Variants in PSME3IP1 observed in about 807,000 individuals in gnomAD.
PSME3IP1 encodes the protein PSME3-interacting protein.
In PSME3IP1, 13 loss-of-function variants were observed where a neutral mutation model predicts 34.1. The ratio of observed to expected loss-of-function variants is 0.38; its 90% CI spans 0.25 to 0.61. The LOEUF (loss-of-function observed/expected upper bound fraction) is 0.61, where lower values mean the gene tolerates loss of function less well. Among genes scored for constraint, PSME3IP1 ranks in the 20% least tolerant of loss-of-function variants. The probability of loss-of-function intolerance (pLI) is 0.60; values close to 1 mark genes in which losing one functional copy is unlikely to be tolerated. For synonymous variants in PSME3IP1, 93 were observed against 114.3 expected (o/e 0.81, Z 1.19); for missense variants, 237 against 301.4 (o/e 0.79, Z 1.58).
In PSME3IP1 at chr16:57,182,841, C is replaced by T. The variant is rs140185572; in HGVS notation, c.-16+2980G>A. ...AGGAGAGTTGCTTGAACCCGGGAGG[C>T]GGAGGTTGTAGTGAGCCGAGATCGC... On this transcript the variant is annotated intron_variant, in intron 1 of 6. Transcript: ENST00000309137. Among the ~76,000 whole-genome samples the T allele has an allele frequency of 3.6e-3, 540 of 152,090 alleles. 2 individuals carry two copies. The highest frequency in any genetic ancestry group is 0.012 in the African/African-American group (507 of 41,478).
At chr16:57,162,664 CAAAAAAAAA>C (rs773301974) in intron 6 of PSME3IP1, among the ~76,000 whole-genome samples, 1 of 55,698 alleles carries the variant, frequency 1.8e-5, no homozygotes, top group Admixed American at 2.0e-4. Flanking sequence ...GACCCTGTCT[CAAAAAAAAA>C]AAAAAAAAAA....
intron 6 of PSME3IP1, among the ~76,000 whole-genome samples, chr16:57,162,555 C>A (rs1331243622): frequency 6.6e-6 from 1 of 151,420 alleles, no homozygotes; most frequent in South Asian, 2.1e-4. Context: ...GTCCTAGCTA[C>A]CTGGGTGGTT....
chr16:57,166,934 T>C (rs1440234311), intron 5 of PSME3IP1, among the ~76,000 whole-genome samples, 159 bp downstream of exon 5: 6 of 152,182 alleles, frequency 3.9e-5, no homozygotes, highest in Admixed American at 2.6e-4. Flanking sequence ...TCAAAGCCTA[T>C]AGAAGGCCTC....
At chr16:57,179,672 T>A (rs1331578558) in intron 1 of PSME3IP1, among the ~76,000 whole-genome samples, 2 of 152,238 alleles carry the variant, frequency 1.3e-5, no homozygotes, top group East Asian at 3.8e-4. Context: ...GGCCACCATA[T>A]CCTTCTAATT....
intron 1 of PSME3IP1, chr16:57,174,657 C>T (rs1369335013): frequency 8.1e-6 from 8 of 985,436 alleles, no homozygotes; most frequent in Non-Finnish European, 9.6e-6. Context: ...TGGAGAATCT[C>T]AGCTATTGAA....
chr16:57,182,082 G>A (rs1188531826), intron 1 of PSME3IP1, among the ~76,000 whole-genome samples: 9 of 152,088 alleles, frequency 5.9e-5, no homozygotes, highest in Non-Finnish European at 1.2e-4. Context: ...TCTTTCAAGT[G>A]ACCAGCCCCC....
At chr16:57,163,623 G>A (rs1448048919) in intron 6 of PSME3IP1, among the ~76,000 whole-genome samples, 1 of 152,200 alleles carries the variant, frequency 6.6e-6, no homozygotes, top group African/African-American at 2.4e-5. Flanking sequence ...ATGAGCAGGA[G>A]CCAGGTATTT....
chr16:57,173,782 G>C lies in PSME3IP1; in HGVS notation c.73C>G (p.Arg25Gly). ...FVSEAELDER[R>G]KRRQEEWEKV... ...TCCCATTCTTCTTGCCTCCTTTTGC[G>C]CCGTTCATCTAGTTCTGCCTCAGAC... The change falls in exon 2 of 7, where the codon CGC (arginine) becomes GGC (glycine). Residue 25 changes from arginine to glycine, a missense_variant. Arg to Gly is a moderately radical substitution (Grantham distance 125). Coordinates refer to ENST00000309137, the MANE Select transcript of PSME3IP1 (RefSeq NM_024946.4). 1 of 1,613,820 alleles carries C rather than the reference G, an allele frequency of 6.2e-7. No homozygotes were observed. The highest frequency in any genetic ancestry group is 8.5e-7 in the Non-Finnish European group (1 of 1,179,978).
At chr16:57,185,150 G>C (rs1395315989) in intron 1 of PSME3IP1, among the ~76,000 whole-genome samples, 1 of 152,156 alleles carries the variant, frequency 6.6e-6, no homozygotes, top group Non-Finnish European at 1.5e-5. Flanking sequence ...CCGAGCGTGC[G>C]GGAGTCTGAG....
chr16:57,182,569 A>C (rs1452155520), intron 1 of PSME3IP1, among the ~76,000 whole-genome samples: 8 of 150,598 alleles, frequency 5.3e-5, no homozygotes, highest in Non-Finnish European at 8.9e-5. Context: ...AAAAAAAAAA[A>C]AAAAAAACTT....
chr16:57,175,874 A>G (rs369638103), intron 1 of PSME3IP1, among the ~76,000 whole-genome samples: 1 of 152,264 alleles, frequency 6.6e-6, no homozygotes, highest in Non-Finnish European at 1.5e-5. Context: ...TGGAAGCTGA[A>G]AAAACAAACC....
chr16:57,164,060 T>G lies in PSME3IP1; in HGVS notation c.488A>C (p.Glu163Ala). The change falls in exon 6 of 7, where the codon GAG (glutamate) becomes GCG (alanine). Residue 163 changes from glutamate (E) to alanine (A), a missense_variant. Glu to Ala is a moderately radical substitution (Grantham distance 107). Transcript: ENST00000309137. ...CAGTCTTTTCACACTGTTGCCACTCTCTGAGCTGTAACAAAACACATGGTG... is the reference window on the plus strand; with the variant it reads ...CAGTCTTTTCACACTGTTGCCACTCGCTGAGCTGTAACAAAACACATGGTG... The part of the protein sequence containing the change: ...LAGAVKHKSS[E>A]SGNSVKRLKP... 1 of 1,614,126 alleles carries G rather than the reference T, an allele frequency of 6.2e-7. No homozygotes were observed. The highest frequency in any genetic ancestry group is 8.5e-7 in the Non-Finnish European group (1 of 1,180,004).
intron 6 of PSME3IP1, among the ~76,000 whole-genome samples, chr16:57,160,329 A>G (rs1229237152): frequency 6.6e-6 from 1 of 152,102 alleles, no homozygotes; most frequent in African/African-American, 2.4e-5. Flanking sequence ...ATTCCTATGA[A>G]GCTTTATGTG....
At chr16:57,173,635 AT>A in intron 2 of PSME3IP1, 92 bp downstream of exon 2, 5 of 1,483,020 alleles carry the variant, frequency 3.4e-6, no homozygotes, top group Non-Finnish European at 2.8e-6. Context: ...TCTCAAAAAA[AT>A]AAATAAATAA....
In PSME3IP1 at chr16:57,181,169, A is replaced by C. The variant is rs138949194; in HGVS notation, c.-16+4652T>G. Among the ~76,000 whole-genome samples the C allele has an allele frequency of 2.5e-3, 383 of 152,380 alleles. 1 individual carries two copies. Among genetic ancestry groups the C allele is most frequent in the African/African-American group, 8.7e-3 (360 of 41,586 alleles). ...TATACACACTAGAAGAAAGATAACTAATTTAAATATCGGTTCCCTTAGCTG... is the reference window on the plus strand; with the variant it reads ...TATACACACTAGAAGAAAGATAACTCATTTAAATATCGGTTCCCTTAGCTG... On this transcript the variant is annotated intron_variant, in intron 1 of 6. Transcript: ENST00000309137.
chr16:57,178,792 T>C, intron 1 of PSME3IP1: 2 of 985,498 alleles, frequency 2.0e-6, no homozygotes, highest in Non-Finnish European at 2.4e-6. Context: ...TCACTTATCC[T>C]GCGAAAGCAG....
intron 6 of PSME3IP1, among the ~76,000 whole-genome samples, chr16:57,155,253 A>G (rs2070382243): frequency 6.6e-6 from 1 of 152,210 alleles, no homozygotes; most frequent in Non-Finnish European, 1.5e-5. Flanking sequence ...AATGTCATCT[A>G]GGAGCTGGGA....
At chr16:57,173,673 C>T in intron 2 of PSME3IP1, 55 bp downstream of exon 2, 2 of 1,595,308 alleles carry the variant, frequency 1.3e-6, no homozygotes, top group East Asian at 4.5e-5. Context: ...TTAATACCTA[C>T]TCTGCAGGGT....
chr16:57,169,245 C>T (rs76806807), intron 4 of PSME3IP1, among the ~76,000 whole-genome samples: 1,652 of 152,304 alleles, frequency 0.011, 34 homozygotes, highest in African/African-American at 0.038. Flanking sequence ...TTTTAACATA[C>T]ACAATACTGC....
Sources: allele counts gnomAD v4.1 joint callset (sites outside exome capture counted in the v4.1 genomes callset), GRCh38; gene constraint gnomAD v4.1.1; transcripts MANE v1.5; gene names NCBI Gene and HGNC (gene_info 2026-07-23, HGNC 2026-07-21).